CACNB2: variants seen among roughly 807,000 people sequenced by gnomAD.
The protein encoded by CACNB2 is voltage-dependent L-type calcium channel subunit beta-2.
CACNB2 carries 42 observed loss-of-function variants against 73.3 expected under a neutral mutation model. That is an observed-to-expected ratio of 0.57 (90% CI 0.45 to 0.74). CACNB2 has a LOEUF of 0.74. Ranked by LOEUF, CACNB2 falls within the 30% of genes least tolerant of loss-of-function variation. The pLI, the probability that CACNB2 is intolerant of heterozygous loss-of-function variation, is 0.00. For missense variants in CACNB2, 940 were observed against 853.0 expected, an observed-to-expected ratio of 1.10 and a Z score of -1.27; for synonymous variants, 348 against 310.3, an observed-to-expected ratio of 1.12 and a Z score of -1.28.
intron 3 of CACNB2, among the ~76,000 whole-genome samples, chr10:18,417,430 G>A (rs568134475): frequency 7.0e-6 from 1 of 143,568 alleles, no homozygotes; most frequent in East Asian, 2.0e-4. Flanking sequence ...ATGCAGTGGC[G>A]CGATCTCGGC....
At chr10:18,276,541 C>A (rs9633647) in intron 2 of CACNB2, among the ~76,000 whole-genome samples, 39,624 of 151,938 alleles carry the variant, frequency 0.26, 5,780 homozygotes, top group East Asian at 0.59. Flanking sequence ...GTGGCACGCA[C>A]CCAGCTCTGT....
At chr10:18,377,052 A>G (rs1029298423) in intron 2 of CACNB2, among the ~76,000 whole-genome samples, 1 of 152,206 alleles carries the variant, frequency 6.6e-6, no homozygotes, top group African/African-American at 2.4e-5. Context: ...GGTAAGGGAT[A>G]TTCCATTTAC....
intron 2 of CACNB2, among the ~76,000 whole-genome samples, chr10:18,264,580 C>A (rs889059462): frequency 2.6e-5 from 4 of 152,176 alleles, no homozygotes; most frequent in African/African-American, 9.7e-5. Context: ...ATTGGTTTTT[C>A]CTGTTTCTGA....
At chr10:18,454,277 A>C (rs1196503910) in intron 3 of CACNB2, among the ~76,000 whole-genome samples, 2 of 152,250 alleles carry the variant, frequency 1.3e-5, no homozygotes, top group Non-Finnish European at 2.9e-5. Context: ...AGGATCCCTA[A>C]TAAGTACCTA....
chr10:18,174,563 C>T (rs957492742), intron 2 of CACNB2, among the ~76,000 whole-genome samples: 21 of 151,888 alleles, frequency 1.4e-4, no homozygotes, highest in African/African-American at 4.8e-4. Context: ...GCCCCCATGC[C>T]CAGCTAATTT....
At chr10:18,206,652 G>A (rs1291082622) in intron 2 of CACNB2, 1 of 152,282 alleles carries the variant, frequency 6.6e-6, no homozygotes, top group Non-Finnish European at 1.5e-5. Flanking sequence ...ATTCCAGAAA[G>A]GGGCACATGC....
chr10:18,292,065 T>A (rs1273419423), intron 2 of CACNB2, among the ~76,000 whole-genome samples: 2 of 152,224 alleles, frequency 1.3e-5, no homozygotes, highest in African/African-American at 2.4e-5. Flanking sequence ...AGTGCATTCA[T>A]ACAAAGTCAA....
chr10:18,384,449 G>C (rs2043141213), intron 2 of CACNB2, among the ~76,000 whole-genome samples: 1 of 152,140 alleles, frequency 6.6e-6, no homozygotes, highest in Non-Finnish European at 1.5e-5. Context: ...TGGTTGGCCA[G>C]GCGCAGTGGT....
At chr10:18,150,831 G>C (rs1451312270) in intron 1 of CACNB2, 52 bp from the exon 2 acceptor site, 3 of 1,114,304 alleles carry the variant, frequency 2.7e-6, no homozygotes, top group Non-Finnish European at 3.7e-6. Context: ...TCCTGTTAAA[G>C]GGTCTCATAA....
chr10:18,334,434 C>T (rs2040923591), intron 2 of CACNB2, among the ~76,000 whole-genome samples: 1 of 152,164 alleles, frequency 6.6e-6, no homozygotes, highest in South Asian at 2.1e-4. Flanking sequence ...GTCTTCTGTC[C>T]TACTTTCAAG....
At chr10:18,164,881 A>G (rs2032739494) in intron 2 of CACNB2, among the ~76,000 whole-genome samples, 2 of 152,188 alleles carry the variant, frequency 1.3e-5, no homozygotes, top group South Asian at 4.1e-4. Context: ...TGACTCTGCT[A>G]GACTTTATTT....
intron 2 of CACNB2, among the ~76,000 whole-genome samples, chr10:18,349,553 A>G (rs908934606): frequency 2.0e-5 from 3 of 152,132 alleles, no homozygotes; most frequent in South Asian, 2.1e-4. Flanking sequence ...ATTGATGACA[A>G]TCTGCTAGGT....
chr10:18,217,896 C>A (rs144097307), intron 2 of CACNB2, among the ~76,000 whole-genome samples: 2 of 152,162 alleles, frequency 1.3e-5, no homozygotes, highest in African/African-American at 4.8e-5. Context: ...CCTGCGTTAC[C>A]CTTGGTAGCC....
intron 9 of CACNB2, among the ~76,000 whole-genome samples, chr10:18,525,706 T>C (rs540831635): frequency 4.6e-5 from 7 of 152,268 alleles, no homozygotes; most frequent in African/African-American, 1.4e-4. Flanking sequence ...CTTTCCTCTG[T>C]CTTCTTTATT....
chr10:18,205,085 T>C (rs1238734789), intron 2 of CACNB2, among the ~76,000 whole-genome samples: 1 of 71,474 alleles, frequency 1.4e-5, no homozygotes, highest in Non-Finnish European at 4.9e-5. Flanking sequence ...TTGAGGGTTT[T>C]TAAAAAAAAA....
At chr10:18,436,987 A>C (rs1300959991) in intron 3 of CACNB2, among the ~76,000 whole-genome samples, 1 of 152,202 alleles carries the variant, frequency 6.6e-6, no homozygotes, top group Non-Finnish European at 1.5e-5. Flanking sequence ...TGCTTGCTGG[A>C]GATACATGGG....
At chr10:18,254,283 G>A (rs769253468) in intron 2 of CACNB2, among the ~76,000 whole-genome samples, 1 of 152,152 alleles carries the variant, frequency 6.6e-6, no homozygotes, top group Non-Finnish European at 1.5e-5. Flanking sequence ...ATTTATTAGG[G>A]TTACACAATC....
chr10:18,439,083 G>A (rs908346393), intron 3 of CACNB2, among the ~76,000 whole-genome samples: 1 of 152,234 alleles, frequency 6.6e-6, no homozygotes, highest in Non-Finnish European at 1.5e-5. Context: ...CATCTCACAG[G>A]ATACGAGACA....
In CACNB2 at chr10:18,498,645, C is replaced by G. The variant is rs537082463; in HGVS notation, c.456+168C>G. On this transcript the variant is annotated intron_variant, in intron 4 of 13. Transcript: ENST00000324631. ...CTCAACCTCTGCTAATATAAATATA[C>G]CTTTTAAAGTGGAAAGAAGTCACAG... 1.3e-4 allele frequency: 90 copies of G among 696,412 alleles called. 1 individual carries two copies. In the South Asian group the frequency reaches 1.5e-3, roughly 12 times the overall value. The allele number at this position is 696,412 out of a possible 1,614,324, so 43.1% of individuals were successfully genotyped here. A position where few individuals can be genotyped will look rare whatever the true frequency, so the allele number is the denominator to read the frequency against.
Sources: gnomAD v4.1 joint callset for allele counts (sites outside exome capture counted in the v4.1 genomes callset) on GRCh38, gnomAD v4.1.1 for gene constraint, MANE v1.5 for transcripts, NCBI Gene and HGNC (gene_info 2026-07-23, HGNC 2026-07-21) for gene names.